SPATA13: variants seen among roughly 807,000 people sequenced by gnomAD.
The protein encoded by SPATA13 is spermatogenesis-associated protein 13.
Under a neutral mutation model 104.0 loss-of-function variants are expected in SPATA13, and 50 were observed. The observed-to-expected ratio is 0.48, with a 90% CI of 0.38 to 0.61. The LOEUF is 0.61. SPATA13 is among the 20% of genes least tolerant of loss of function. SPATA13 has a pLI of 0.00. For synonymous variants in SPATA13, 606 were observed against 667.5 expected, an observed-to-expected ratio of 0.91 and a Z score of 1.42; for missense variants, 1,524 against 1,690.6, an observed-to-expected ratio of 0.90 and a Z score of 1.73.
chr13:24,239,220 G>T (rs1317317079), intron 2 of SPATA13, among the ~76,000 whole-genome samples: 1 of 152,158 alleles, frequency 6.6e-6, no homozygotes, highest in Non-Finnish European at 1.5e-5. Context: ...GTAGAATGGC[G>T]TAGGATTTCA....
intron 4 of SPATA13, among the ~76,000 whole-genome samples, chr13:24,266,777 G>C (rs1282573048): frequency 1.3e-5 from 2 of 151,718 alleles, no homozygotes; most frequent in African/African-American, 4.8e-5. Context: ...TTAATTTGGG[G>C]GTTGGATTTT....
chr13:24,173,363 TGTGTGTGTG>T (rs1396583758), intron 1 of SPATA13, among the ~76,000 whole-genome samples: 6 of 1,642 alleles, frequency 3.7e-3, no homozygotes, highest in African/African-American at 4.1e-3. Context: ...AGTTCTTAGT[TGTGTGTGTG>T]TGTGTGTGTG....
chr13:24,122,759 T>C, intron 3 of SPATA13: 1 of 818,970 alleles, frequency 1.2e-6, no homozygotes, highest in Middle Eastern at 3.4e-4. Flanking sequence ...GCTGGAAGAC[T>C]TCAAATACAA....
intron 3 of SPATA13, among the ~76,000 whole-genome samples, chr13:24,152,292 C>A (rs569466247): frequency 3.9e-5 from 6 of 152,328 alleles, no homozygotes; most frequent in African/African-American, 1.4e-4. Flanking sequence ...TAAGGGCACT[C>A]CTCCCATTCA....
chr13:24,141,717 A>G (rs2138458484), intron 3 of SPATA13, among the ~76,000 whole-genome samples: 1 of 152,354 alleles, frequency 6.6e-6, no homozygotes, highest in African/African-American at 2.4e-5. Context: ...AAATGGGGCT[A>G]CCCATAAACA....
intron 3 of SPATA13, among the ~76,000 whole-genome samples, chr13:24,079,099 T>A (rs1329174930): frequency 6.6e-6 from 1 of 150,898 alleles, no homozygotes; most frequent in Non-Finnish European, 1.5e-5. Context: ...TAACGGAGGA[T>A]GAGTAGGAGG....
chr13:24,198,065 T>G (rs562779280), intron 1 of SPATA13, among the ~76,000 whole-genome samples: 4 of 152,236 alleles, frequency 2.6e-5, no homozygotes, highest in Admixed American at 6.5e-5. Context: ...GCATGATCTC[T>G]GCTTACTGCA....
rs916975179 is a variant in SPATA13, at chr13:23,983,797, C to A, written c.-283C>A. On this transcript the variant is annotated 5_prime_UTR_variant, in exon 2 of 15. Coordinates refer to the SPATA13 transcript ENST00000424834. ...CTAGTTCCAGCTAGGGGTGACCTGT[C>A]TATCTGCATTTTTTGAGCTGCAGAG... The A allele has an allele frequency of 1.8e-5, 14 of 790,674 alleles. No individual in the cohort carries two copies. The African/African-American group carries it at 2.6e-4, about 15-fold the overall frequency. 49.0% of individuals were successfully genotyped at this position (790,674 alleles called of 1,614,324 possible). A position where few individuals can be genotyped will look rare whatever the true frequency, so the allele number is the denominator to read the frequency against.
In SPATA13 at chr13:24,051,157, C is replaced by T. The variant is rs1251532693; in HGVS notation, c.-112+33456C>T. Among the ~76,000 whole-genome samples, 1 of 152,162 alleles carries T rather than the reference C, an allele frequency of 6.6e-6. No individual in the cohort carries two copies. The highest frequency in any genetic ancestry group is 1.5e-5 in the Non-Finnish European group (1 of 68,036). On this transcript the variant is annotated intron_variant, in intron 3 of 14. Coordinates refer to the SPATA13 transcript ENST00000424834. This position sits in a 1 kb window ranked among gnomAD's most constrained non-coding sequence, Gnocchi z 4.2. ...AAGTGAGCACTGCTGGGGCTAGCCT[C>T]CTGAAGTTTTTGGAGACCCTAGTTC...
intron 3 of SPATA13, among the ~76,000 whole-genome samples, chr13:24,066,499 C>T (rs896821666): frequency 3.3e-5 from 5 of 152,174 alleles, no homozygotes; most frequent in Non-Finnish European, 7.3e-5. Flanking sequence ...AGCTGCCAAA[C>T]AGGCCACCAT....
At chr13:24,233,026 T>C (rs929341373) in intron 2 of SPATA13, among the ~76,000 whole-genome samples, 4 of 152,214 alleles carry the variant, frequency 2.6e-5, no homozygotes, top group African/African-American at 9.6e-5. Flanking sequence ...GCCCCATGTT[T>C]AGTTGTTTTT....
intron 3 of SPATA13, among the ~76,000 whole-genome samples, chr13:24,119,400 G>A (rs1880962639): frequency 6.6e-6 from 1 of 152,130 alleles, no homozygotes; most frequent in Admixed American, 6.5e-5. Flanking sequence ...AATTGATATT[G>A]AGGGAGAAAA....
chr13:24,195,659 A>G (rs1870016319), intron 1 of SPATA13, among the ~76,000 whole-genome samples: 1 of 152,172 alleles, frequency 6.6e-6, no homozygotes, highest in South Asian at 2.1e-4. Flanking sequence ...TTAGGCATTG[A>G]TTATCTACAA....
At chr13:24,096,772 A>C (rs1284806307) in intron 3 of SPATA13, among the ~76,000 whole-genome samples, 1 of 152,158 alleles carries the variant, frequency 6.6e-6, no homozygotes, top group Non-Finnish European at 1.5e-5. Context: ...AGAGCCCTGC[A>C]GAAGAGAGCT....
intron 3 of SPATA13, among the ~76,000 whole-genome samples, chr13:24,110,758 A>G (rs1244375960): frequency 6.6e-6 from 1 of 152,170 alleles, no homozygotes; most frequent in Non-Finnish European, 1.5e-5. Context: ...ATAATTGTAG[A>G]AACTGTAAAG....
At chr13:24,290,185 C>T (rs1490013205) in intron 8 of SPATA13, among the ~76,000 whole-genome samples, 2 of 152,088 alleles carry the variant, frequency 1.3e-5, no homozygotes, top group Non-Finnish European at 2.9e-5. Flanking sequence ...GCCAGGGTGA[C>T]GGCAGAGAAT....
chr13:24,258,503 C>T (rs1873901644), intron 4 of SPATA13, among the ~76,000 whole-genome samples: 2 of 151,898 alleles, frequency 1.3e-5, no homozygotes, highest in Admixed American at 1.3e-4. Flanking sequence ...CCCATCTCTA[C>T]TAAAAATACA....
At chr13:24,282,660 C>A (rs1436299588) in intron 4 of SPATA13, among the ~76,000 whole-genome samples, 1 of 152,202 alleles carries the variant, frequency 6.6e-6, no homozygotes, top group Non-Finnish European at 1.5e-5. Flanking sequence ...TCTGCCCCAA[C>A]AGCTCTTCCT....
At chr13:23,988,817 C>T (rs552048201) in intron 2 of SPATA13, among the ~76,000 whole-genome samples, 1 of 152,236 alleles carries the variant, frequency 6.6e-6, no homozygotes, top group East Asian at 1.9e-4. Flanking sequence ...ATTTGTCAGT[C>T]GGGCTGTTGG....
Sources: allele counts gnomAD v4.1 joint callset (sites outside exome capture counted in the v4.1 genomes callset), GRCh38; gene constraint gnomAD v4.1.1; non-coding constraint Gnocchi (gnomAD v3.1); transcripts MANE v1.5; gene names NCBI Gene and HGNC (gene_info 2026-07-23, HGNC 2026-07-21).